CTSC: variants seen among roughly 807,000 people sequenced by gnomAD.
CTSC encodes dipeptidyl peptidase 1.
A neutral mutation model predicts 40.9 loss-of-function variants in CTSC; 37 were observed. The observed-to-expected ratio is 0.91, with a 90% confidence interval of 0.70 to 1.19. The LOEUF (loss-of-function observed/expected upper bound fraction) is 1.19, where lower values mean the gene tolerates loss of function less well. Ranked by LOEUF, CTSC falls within the 50% of genes most tolerant of loss-of-function variation. The pLI, the probability that CTSC is intolerant of heterozygous loss-of-function variation, is 0.00. For synonymous variants in CTSC, 232 were observed against 207.4 expected (o/e 1.12, Z -1.02); for missense variants, 594 against 567.3 (o/e 1.05, Z -0.48).
chr11:88,326,451 A>G (rs765182693), intron 2 of CTSC: 23 of 1,590,376 alleles, frequency 1.4e-5, no homozygotes, highest in Non-Finnish European at 4.3e-6. Flanking sequence ...TAACTACAAG[A>G]CAATAAAAAC....
rs1299825041 is a variant in CTSC, at chr11:88,296,357, T to C, written c.758-93A>G. On this transcript the variant is annotated intron_variant, in intron 5 of 6. Coordinates refer to ENST00000227266, the MANE Select transcript of CTSC (RefSeq NM_001814.6). ...CTTAGTGAATCACATACATTAATGT[T>C]TATACTGAATGTTGTTGTTTATAAG... is the stretch of plus-strand genomic sequence containing the variant. 34 of 1,459,636 alleles carry C rather than the reference T, an allele frequency of 2.3e-5. 1 individual carries two copies. In the African/African-American group the frequency reaches 3.2e-4, roughly 14 times the overall value. The allele number at this position is 1,459,636 out of a possible 1,614,324, so 90.4% of individuals were successfully genotyped here.
chr11:88,315,693 G>A (rs543954977), intron 2 of CTSC, among the ~76,000 whole-genome samples: 1 of 152,230 alleles, frequency 6.6e-6, no homozygotes, highest in Non-Finnish European at 1.5e-5. Flanking sequence ...AAGACCTAAG[G>A]AAGTGGTGGA....
chr11:88,323,099 T>C (rs1352568069), intron 2 of CTSC: 1 of 152,230 alleles, frequency 6.6e-6, no homozygotes, highest in Non-Finnish European at 1.5e-5. Flanking sequence ...ATCCCCAGGA[T>C]GCAAGGCCGG....
intron 2 of CTSC, among the ~76,000 whole-genome samples, chr11:88,314,745 C>T (rs1255907555): frequency 4.6e-5 from 7 of 152,142 alleles, no homozygotes; most frequent in African/African-American, 7.2e-5. Flanking sequence ...CCAGGCTGGT[C>T]TCAAACTCCT....
At chr11:88,316,681 T>C (rs2134792086) in intron 2 of CTSC, among the ~76,000 whole-genome samples, 1 of 152,308 alleles carries the variant, frequency 6.6e-6, no homozygotes, top group Admixed American at 6.5e-5. Context: ...AGTAATTAAC[T>C]ACTAAATGAG....
At chr11:88,295,996 G>A in intron 6 of CTSC, 137 bp downstream of exon 6, 2 of 889,336 alleles carry the variant, frequency 2.2e-6, no homozygotes, top group Non-Finnish European at 3.8e-6. Flanking sequence ...ATAAGTGATA[G>A]GGCCAGACTT....
intron 5 of CTSC, chr11:88,299,905 G>T (rs1162295889): frequency 6.6e-6 from 1 of 152,378 alleles, no homozygotes; most frequent in Non-Finnish European, 1.5e-5. Context: ...AACTCACATT[G>T]TATCAAACTT....
At chr11:88,336,176 T>C (rs1436609326) in intron 1 of CTSC, among the ~76,000 whole-genome samples, 2 of 150,632 alleles carry the variant, frequency 1.3e-5, no homozygotes, top group African/African-American at 4.9e-5. Flanking sequence ...ACATGGGAGA[T>C]TGCATGTGAC....
rs751326698 is a variant in CTSC, at chr11:88,296,208, G to A, written c.814C>T (p.Arg272Cys). The change falls in exon 6 of 7, where the codon CGT (arginine) becomes TGT (cysteine). Residue 272 changes from arginine (R) to cysteine (C), a missense_variant. By Grantham distance (180) the Arg-to-Cys change is radical (BLOSUM62 -3). Coordinates refer to ENST00000227266, the MANE Select transcript of CTSC (RefSeq NM_001814.6). The part of the protein sequence containing the change: ...ASMGMLEARI[R>C]ILTNNSQTPI... ...GTCTGAGAATTGTTGGTTAGTATAC[G>A]GATTCTCGCTTCTAGCATACCCATA... The A allele has an allele frequency of 1.8e-5, 29 of 1,613,834 alleles. No individual in the cohort carries two copies. Among genetic ancestry groups the A allele is most frequent in the Middle Eastern group, 1.6e-4 (1 of 6,084 alleles).
Position 88,293,907 on chromosome 11 carries a change from T to C in CTSC, c.*99A>G, listed in dbSNP as rs1029599090. The C allele has an allele frequency of 7.4e-7, 1 of 1,348,768 alleles. No individual in the cohort carries two copies. Among genetic ancestry groups the C allele is most frequent in the Admixed American group, 1.7e-5 (1 of 59,388 alleles). The allele number at this position is 1,348,768 out of a possible 1,614,324, so 83.6% of individuals were successfully genotyped here. On this transcript the variant is annotated 3_prime_UTR_variant, in exon 7 of 7. Coordinates refer to ENST00000227266, the MANE Select transcript of CTSC (RefSeq NM_001814.6). ...AAATATCTTCATGGAAATCTATTTG[T>C]AAGCTTCTGAGATTGCTGCTGAAAG... is the stretch of plus-strand genomic sequence containing the variant.
chr11:88,299,949 T>C (rs538023958), intron 5 of CTSC, among the ~76,000 whole-genome samples: 22 of 152,222 alleles, frequency 1.4e-4, no homozygotes, highest in Non-Finnish European at 3.1e-4. Flanking sequence ...ATAATAGGAA[T>C]ACTTTTCATG....
intron 2 of CTSC, among the ~76,000 whole-genome samples, chr11:88,318,550 C>A (rs1338662271): frequency 1.3e-5 from 2 of 152,210 alleles, no homozygotes; most frequent in African/African-American, 2.4e-5. Context: ...TCCTTTCAAC[C>A]AGTGGTTTCC....
chr11:88,336,346 C>T (rs1938493100), intron 1 of CTSC, among the ~76,000 whole-genome samples: 1 of 151,630 alleles, frequency 6.6e-6, no homozygotes, highest in Non-Finnish European at 1.5e-5. Context: ...GGAGACCATC[C>T]TGGCTAACAC....
chr11:88,334,082 C>A (rs770777538), intron 2 of CTSC, among the ~76,000 whole-genome samples: 1 of 152,164 alleles, frequency 6.6e-6, no homozygotes, highest in Non-Finnish European at 1.5e-5. Context: ...CAGAGTTATT[C>A]CCTACTTTCC....
intron 4 of CTSC, 116 bp from the exon 5 acceptor site, chr11:88,300,761 A>T (rs537157759): frequency 3.0e-4 from 216 of 726,148 alleles, no homozygotes; most frequent in Non-Finnish European, 4.9e-4. Flanking sequence ...ATCTAGATTC[A>T]GACCCAGAGC....
chr11:88,335,602 C>A (rs1938472958), intron 1 of CTSC, among the ~76,000 whole-genome samples: 1 of 152,130 alleles, frequency 6.6e-6, no homozygotes, highest in Non-Finnish European at 1.5e-5. Flanking sequence ...ATATGCTATG[C>A]AGCCCAGCAG....
chr11:88,309,180 G>A lies in CTSC; in HGVS notation c.624C>T (p.His208=). The change falls in exon 4 of 7, where the codon CAC becomes CAT. Residue 208 remains histidine, a synonymous_variant. Transcript: ENST00000227266. The part of the protein sequence containing the change: ...LGDMIRRSGG[H]SRKIPRPKPA... ...TTGATTACCTTGGGATTTTTCGACTGTGGCCACCACTTCTCCTAATCATAT... is the reference window on the plus strand; with the variant it reads ...TTGATTACCTTGGGATTTTTCGACTATGGCCACCACTTCTCCTAATCATAT... The A allele has an allele frequency of 6.2e-7, 1 of 1,613,874 alleles. No individual in the cohort carries two copies. Among genetic ancestry groups the A allele is most frequent in the South Asian group, 1.1e-5 (1 of 91,076 alleles).
chr11:88,312,595 T>C, intron 2 of CTSC, 41 bp from the exon 3 acceptor site: 1 of 1,611,074 alleles, frequency 6.2e-7, no homozygotes, highest in Non-Finnish European at 8.5e-7. Context: ...GTAAAATCTG[T>C]CTTCAAATTT....
At chr11:88,312,334 T>C in intron 3 of CTSC, 54 bp downstream of exon 3, 1 of 1,556,036 alleles carries the variant, frequency 6.4e-7, no homozygotes, top group South Asian at 1.1e-5. Flanking sequence ...TACACACATA[T>C]TCATATATAC....
Sources: allele counts gnomAD v4.1 joint callset (sites outside exome capture counted in the v4.1 genomes callset), GRCh38; gene constraint gnomAD v4.1.1; transcripts MANE v1.5; gene names NCBI Gene and HGNC (gene_info 2026-07-23, HGNC 2026-07-21).